PPFIA1: variants seen among roughly 807,000 people sequenced by gnomAD.
PPFIA1 encodes the protein PPFI scaffold protein A1.
PPFIA1 carries 25 observed loss-of-function variants against 149.9 expected under a neutral mutation model. The ratio of observed to expected loss-of-function variants is 0.17; its 90% confidence interval spans 0.12 to 0.23. PPFIA1 has a LOEUF of 0.23. Among genes scored for constraint, PPFIA1 ranks in the 10% least tolerant of loss-of-function variants. The pLI, the probability that PPFIA1 is intolerant of heterozygous loss-of-function variation, is 1.00. For missense variants in PPFIA1, 1,362 were observed against 1,506.5 expected (o/e 0.90, Z 1.59); for synonymous variants, 549 against 552.8 (o/e 0.99, Z 0.10).
intron 21 of PPFIA1, among the ~76,000 whole-genome samples, chr11:70,366,663 C>G (rs190116898): frequency 4.6e-5 from 7 of 152,184 alleles, no homozygotes; most frequent in African/African-American, 1.7e-4. Flanking sequence ...ACAGGCAGTT[C>G]TAGAGGCTTT....
At chr11:70,272,460 CTA>C (rs781333508) in intron 2 of PPFIA1, 24 bp downstream of exon 2, 26 of 1,559,192 alleles carry the variant, frequency 1.7e-5, no homozygotes, top group Non-Finnish European at 2.2e-5. Context: ...TAACCTGAAA[CTA>C]TAGATTTTTC....
chr11:70,328,262 G>GTGT (rs986915447), intron 7 of PPFIA1, among the ~76,000 whole-genome samples: 1 of 152,038 alleles, frequency 6.6e-6, no homozygotes, highest in Non-Finnish European at 1.5e-5. Flanking sequence ...GCCCCAGTGT[G>GTGT]TGTTGTTCCC....
At chr11:70,306,460 TA>T (rs1269329554) in intron 2 of PPFIA1, among the ~76,000 whole-genome samples, 3 of 152,084 alleles carry the variant, frequency 2.0e-5, no homozygotes, top group Non-Finnish European at 4.4e-5. Flanking sequence ...ATGACATTCA[TA>T]AAAAAACCCT....
At chr11:70,335,233 G>C (rs935699126) in intron 10 of PPFIA1, among the ~76,000 whole-genome samples, 6 of 152,140 alleles carry the variant, frequency 3.9e-5, no homozygotes, top group African/African-American at 1.4e-4. Flanking sequence ...TCCTCTACCA[G>C]CGTGGAGACA....
At chr11:70,378,228 T>G (rs761983976) in intron 26 of PPFIA1, 33 bp downstream of exon 26, 1 of 1,595,244 alleles carries the variant, frequency 6.3e-7, no homozygotes, top group Middle Eastern at 1.7e-4. Context: ...CTGTCACTTG[T>G]TGGGAGCATG....
intron 2 of PPFIA1, among the ~76,000 whole-genome samples, chr11:70,296,619 C>G (rs1418123161): frequency 7.3e-5 from 11 of 151,142 alleles, no homozygotes; most frequent in East Asian, 5.8e-4. Flanking sequence ...TGCAGTGAGC[C>G]GAGATGGCAG....
At chr11:70,327,228 T>C (rs1314341035) in intron 7 of PPFIA1, 1 of 173,304 alleles carries the variant, frequency 5.8e-6, no homozygotes, top group East Asian at 1.7e-4. Flanking sequence ...AAGCAGATAT[T>C]GATACTGGCT....
In PPFIA1 at chr11:70,383,248, G is replaced by C. The variant is rs1000235667; in HGVS notation, c.*258G>C. ...TTTATATAGTTACTTACTTTTTCATGTATATCCAGGCTATAAATATCCTTT... is the reference window on the plus strand; with the variant it reads ...TTTATATAGTTACTTACTTTTTCATCTATATCCAGGCTATAAATATCCTTT... On this transcript the variant is annotated 3_prime_UTR_variant, in exon 28 of 28. Coordinates refer to ENST00000253925, the MANE Select transcript of PPFIA1 (RefSeq NM_003626.5). 1 of 288,052 alleles carries C rather than the reference G, an allele frequency of 3.5e-6. No individual in the cohort carries two copies. Among genetic ancestry groups the C allele is most frequent in the African/African-American group, 2.4e-5 (1 of 42,454 alleles). The allele number at this position is 288,052 out of a possible 1,614,324, so 17.8% of individuals were successfully genotyped here.
At chr11:70,272,477 C>G (rs1240114226) in intron 2 of PPFIA1, 41 bp downstream of exon 2, 14 of 1,538,550 alleles carry the variant, frequency 9.1e-6, no homozygotes, top group Middle Eastern at 1.8e-4. Context: ...TTTTTCTCCA[C>G]TAAATGTTTT....
At chr11:70,371,064 C>T (rs998061987) in intron 21 of PPFIA1, among the ~76,000 whole-genome samples, 5 of 152,058 alleles carry the variant, frequency 3.3e-5, no homozygotes, top group Non-Finnish European at 7.4e-5. Flanking sequence ...ACCCTGGAGG[C>T]GAGGTTGCAG....
chr11:70,364,322 A>G (rs2056810823), intron 21 of PPFIA1: 1 of 152,208 alleles, frequency 6.6e-6, no homozygotes, highest in African/African-American at 2.4e-5. Context: ...GGGTTATCCT[A>G]CTTGAAAAAG....
intron 2 of PPFIA1, among the ~76,000 whole-genome samples, chr11:70,277,304 T>G (rs2050469148): frequency 6.6e-6 from 1 of 151,762 alleles, no homozygotes; most frequent in African/African-American, 2.4e-5. Flanking sequence ...CGTGAGCCAC[T>G]ACACGCTTTT....
chr11:70,318,462 C>A (rs1323613166), intron 2 of PPFIA1, among the ~76,000 whole-genome samples: 1 of 152,234 alleles, frequency 6.6e-6, no homozygotes, highest in Non-Finnish European at 1.5e-5. Flanking sequence ...CTGCTTTCAG[C>A]TGGACTCATC....
intron 9 of PPFIA1, among the ~76,000 whole-genome samples, chr11:70,332,456 A>T (rs1420390660): frequency 1.3e-5 from 2 of 152,188 alleles, no homozygotes; most frequent in Non-Finnish European, 2.9e-5. Context: ...TAAAAACACC[A>T]TCAAGATAAA....
At chr11:70,365,751 G>A (rs1565453738) in intron 21 of PPFIA1, 2 of 360,806 alleles carry the variant, frequency 5.5e-6, no homozygotes, top group Non-Finnish European at 1.1e-5. Flanking sequence ...GCTTGGCACG[G>A]AGAGAGTCTG....
chr11:70,298,219 A>T (rs1178681878), intron 2 of PPFIA1, among the ~76,000 whole-genome samples: 1 of 152,158 alleles, frequency 6.6e-6, no homozygotes, highest in African/African-American at 2.4e-5. Flanking sequence ...TTTCAAGGAG[A>T]AAGGTTCATA....
intron 24 of PPFIA1, 57 bp downstream of exon 24, chr11:70,375,150 G>C: frequency 5.7e-6 from 4 of 697,084 alleles, no homozygotes; most frequent in Non-Finnish European, 7.7e-6. Flanking sequence ...CCTGATTATA[G>C]ACAGCTAGTT....
chr11:70,374,637 C>T, intron 23 of PPFIA1: 1 of 348,858 alleles, frequency 2.9e-6, no homozygotes, highest in Non-Finnish European at 5.2e-6. Context: ...ATCCCTGGAT[C>T]CTCATCATCT....
intron 21 of PPFIA1, chr11:70,365,947 G>T (rs1283247857): frequency 2.2e-6 from 1 of 456,660 alleles, no homozygotes; most frequent in Admixed American, 2.3e-5. Flanking sequence ...CCAGGAAGAT[G>T]AGGAGGGAAG....
Sources: gnomAD v4.1 joint callset for allele counts (sites outside exome capture counted in the v4.1 genomes callset) on GRCh38, gnomAD v4.1.1 for gene constraint, MANE v1.5 for transcripts, NCBI Gene and HGNC (gene_info 2026-07-23, HGNC 2026-07-21) for gene names.